CDC14B: variants seen among roughly 807,000 people sequenced by gnomAD.
CDC14B encodes the protein dual specificity protein phosphatase CDC14B.
In CDC14B, 22 loss-of-function variants were observed where a neutral mutation model predicts 64.2. That is an observed-to-expected ratio of 0.34 (90% confidence interval 0.24 to 0.49). The LOEUF is 0.49. CDC14B is among the 20% of genes least tolerant of loss of function. The pLI is 0.99. For missense variants in CDC14B, 498 were observed against 629.9 expected, an observed-to-expected ratio of 0.79 and a Z score of 2.24; for synonymous variants, 191 against 215.8, an observed-to-expected ratio of 0.89 and a Z score of 1.01.
chr9:96,589,944 G>C (rs1037035737), intron 1 of CDC14B, among the ~76,000 whole-genome samples: 6 of 149,158 alleles, frequency 4.0e-5, no homozygotes, highest in Admixed American at 6.7e-5. Flanking sequence ...CTGGGCAACA[G>C]AGCAAGACTC....
intron 13 of CDC14B, among the ~76,000 whole-genome samples, chr9:96,507,246 G>A: frequency 6.7e-6 from 1 of 148,202 alleles, no homozygotes; most frequent in Non-Finnish European, 1.5e-5. Context: ...GAACCTGGAA[G>A]ACGAAGTTTG....
intron 1 of CDC14B, among the ~76,000 whole-genome samples, chr9:96,596,851 C>T (rs1256646392): frequency 6.7e-6 from 1 of 150,112 alleles, no homozygotes; most frequent in African/African-American, 2.5e-5. Context: ...AGATGGAGAC[C>T]TTCTCTATCT....
intron 10 of CDC14B, 74 bp from the exon 11 acceptor site, chr9:96,523,494 CTGT>C (rs1398241251): frequency 2.5e-5 from 40 of 1,601,814 alleles, no homozygotes; most frequent in Non-Finnish European, 3.2e-5. Flanking sequence ...ACCAGATTAT[CTGT>C]TGTTGTTGGA....
chr9:96,512,399 CAGCCTCAAATCCT>C (rs1243863747), intron 12 of CDC14B, among the ~76,000 whole-genome samples: 3 of 150,260 alleles, frequency 2.0e-5, no homozygotes, highest in African/African-American at 7.4e-5. Context: ...GCAATCATAG[CAGCCTCAAATCCT>C]GGGCTCAATT....
At chr9:96,587,514 G>C (rs1845518504) in intron 1 of CDC14B, among the ~76,000 whole-genome samples, 1 of 152,198 alleles carries the variant, frequency 6.6e-6, no homozygotes, top group Non-Finnish European at 1.5e-5. Context: ...CTGCACCCCT[G>C]GGCAGATACA....
intron 1 of CDC14B, among the ~76,000 whole-genome samples, chr9:96,568,844 G>A (rs965890480): frequency 3.9e-5 from 6 of 152,000 alleles, no homozygotes; most frequent in African/African-American, 1.5e-4. Flanking sequence ...TTGAACCCGG[G>A]AGGTGGAGGT....
intron 4 of CDC14B, among the ~76,000 whole-genome samples, chr9:96,561,511 C>T (rs927784108): frequency 2.0e-5 from 3 of 152,178 alleles, no homozygotes; most frequent in African/African-American, 4.8e-5. Flanking sequence ...CGGAGTCTCG[C>T]TCTGTCGCCC....
intron 4 of CDC14B, among the ~76,000 whole-genome samples, chr9:96,555,382 A>G (rs1842374592): frequency 6.6e-6 from 1 of 152,228 alleles, no homozygotes; most frequent in East Asian, 1.9e-4. Context: ...CCTGCCAGGT[A>G]TGTGACTGAG....
intron 1 of CDC14B, chr9:96,567,119 G>T: frequency 1.6e-6 from 1 of 610,378 alleles, no homozygotes; most frequent in Non-Finnish European, 2.6e-6. Flanking sequence ...CTGGGAACGC[G>T]GGGCGGCCTG....
At chr9:96,496,174 T>C (rs1319505845), downstream of CDC14B, 5 of 418,544 alleles carry the variant, frequency 1.2e-5, no homozygotes, top group Non-Finnish European at 2.4e-5. Context: ...GGCTGATGGC[T>C]CAATACCCAG....
chr9:96,514,976 T>A, intron 12 of CDC14B: 1 of 969,522 alleles, frequency 1.0e-6, no homozygotes, highest in South Asian at 4.8e-5. Flanking sequence ...GCAGGAACAA[T>A]GACCATCATA....
intron 9 of CDC14B, among the ~76,000 whole-genome samples, chr9:96,528,280 G>A (rs1000039706): frequency 6.6e-6 from 1 of 152,134 alleles, no homozygotes; most frequent in Non-Finnish European, 1.5e-5. Context: ...TCAGAACTTT[G>A]GGAGGCCAAG....
intron 12 of CDC14B, among the ~76,000 whole-genome samples, chr9:96,518,589 A>G (rs1406010502): frequency 6.6e-6 from 1 of 152,200 alleles, no homozygotes; most frequent in Non-Finnish European, 1.5e-5. Context: ...CTCGAAATAC[A>G]GCCTAACCTT....
chr9:96,493,994 C>T (rs932322901), intron 13 of CDC14B, among the ~76,000 whole-genome samples: 6 of 152,160 alleles, frequency 3.9e-5, no homozygotes, highest in East Asian at 1.9e-4. Flanking sequence ...ACTTTAAGTC[C>T]GAAGGATGCC....
chr9:96,563,756 A>T (rs751465394), intron 3 of CDC14B, among the ~76,000 whole-genome samples: 26 of 152,038 alleles, frequency 1.7e-4, no homozygotes, highest in South Asian at 4.1e-4. Flanking sequence ...CAGGAAAAAA[A>T]TTTTTTTCCA....
chr9:96,549,197 T>C (rs1841432890), intron 5 of CDC14B, among the ~76,000 whole-genome samples: 1 of 152,068 alleles, frequency 6.6e-6, no homozygotes, highest in Non-Finnish European at 1.5e-5. Flanking sequence ...CTTATTTTTG[T>C]GAATAAAATA....
downstream of CDC14B, among the ~76,000 whole-genome samples, chr9:96,499,472 G>A (rs956596502): frequency 1.3e-5 from 2 of 152,216 alleles, no homozygotes; most frequent in African/African-American, 2.4e-5. Flanking sequence ...GGTGCCGCCC[G>A]ACCTTGGCAG....
At chr9:96,534,348 T>C in intron 8 of CDC14B, 107 bp downstream of exon 8, 1 of 856,952 alleles carries the variant, frequency 1.2e-6, no homozygotes, top group Non-Finnish European at 1.9e-6. Flanking sequence ...CAAGTATGCT[T>C]AAATAATAAT....
At chr9:96,578,194 G>A (rs568623689) in intron 1 of CDC14B, among the ~76,000 whole-genome samples, 2 of 152,336 alleles carry the variant, frequency 1.3e-5, no homozygotes, top group African/African-American at 4.8e-5. Flanking sequence ...AATCCAAAGT[G>A]TAAAGTAATA....
Sources: allele counts gnomAD v4.1 joint callset (sites outside exome capture counted in the v4.1 genomes callset), GRCh38; gene constraint gnomAD v4.1.1; transcripts MANE v1.5; gene names NCBI Gene and HGNC (gene_info 2026-07-23, HGNC 2026-07-21).